The following TTC6 variants were observed in gnomAD, a reference collection of about 807,000 sequenced individuals.
The protein encoded by TTC6 is tetratricopeptide repeat protein 6.
Under a neutral mutation model 210.4 loss-of-function variants are expected in TTC6, and 172 were observed. That is an observed-to-expected ratio of 0.82 (90% CI 0.72 to 0.93). TTC6 has a LOEUF of 0.93. Among genes scored for constraint, TTC6 ranks in the 40% least tolerant of loss-of-function variants. The pLI is 0.00. For synonymous variants in TTC6, 804 were observed against 819.6 expected, an observed-to-expected ratio of 0.98 and a Z score of 0.32; for missense variants, 2,414 against 2,318.1, an observed-to-expected ratio of 1.04 and a Z score of -0.85.
At chr14:37,807,273 T>C in intron 22 of TTC6, 47 bp from the exon 25 acceptor site, 3 of 1,417,510 alleles carry the variant, frequency 2.1e-6, no homozygotes, top group Non-Finnish European at 2.8e-6. Flanking sequence ...GAATTGGTGC[T>C]TTTACTAAAG....
intron 2 of TTC6, among the ~76,000 whole-genome samples, chr14:37,607,022 C>T (rs1389105809): frequency 6.6e-6 from 1 of 152,178 alleles, no homozygotes; most frequent in Non-Finnish European, 1.5e-5. Context: ...GTTTTTTTGA[C>T]TTAGGCTACA....
At chr14:37,780,016 C>T (rs753944527) in intron 14 of TTC6, among the ~76,000 whole-genome samples, 4 of 151,874 alleles carry the variant, frequency 2.6e-5, no homozygotes, top group African/African-American at 7.3e-5. Context: ...GAATTACTGA[C>T]GAAGTTGAAA....
At chr14:37,661,335 C>A (rs1490774692) in intron 1 of TTC6, among the ~76,000 whole-genome samples, 1 of 151,726 alleles carries the variant, frequency 6.6e-6, no homozygotes, top group Non-Finnish European at 1.5e-5. Context: ...ACATTTAAAT[C>A]TTTAATCCAT....
At chr14:37,754,023 A>G (rs1033614628) in intron 14 of TTC6, among the ~76,000 whole-genome samples, 1 of 152,124 alleles carries the variant, frequency 6.6e-6, no homozygotes, top group African/African-American at 2.4e-5. Context: ...TATGTATATA[A>G]TCACGTCTAC....
chr14:37,834,691 G>A (rs2096193781), intron 29 of TTC6, among the ~76,000 whole-genome samples: 1 of 151,440 alleles, frequency 6.6e-6, no homozygotes, highest in Non-Finnish European at 1.5e-5. Flanking sequence ...TTTTCTTTGG[G>A]GTCTGCTACT....
chr14:37,606,801 T>C, intron 2 of TTC6, 59 bp downstream of exon 2: 8 of 984,172 alleles, frequency 8.1e-6, no homozygotes, highest in Non-Finnish European at 9.7e-6. Flanking sequence ...CAAAAGGCTC[T>C]ACTCCTTCCC....
intron 1 of TTC6, among the ~76,000 whole-genome samples, chr14:37,679,901 G>T (rs1276276524): frequency 6.6e-6 from 1 of 151,864 alleles, no homozygotes; most frequent in African/African-American, 2.4e-5. Context: ...TGTTGGTCAG[G>T]CTCATCTCAA....
chr14:37,806,598 C>T (rs1595293804), intron 22 of TTC6, 88 bp downstream of exon 24: 1 of 1,275,334 alleles, frequency 7.8e-7, no homozygotes, highest in East Asian at 2.6e-5. Flanking sequence ...TATTAATTAC[C>T]AACAATCAGT....
intron 14 of TTC6, among the ~76,000 whole-genome samples, chr14:37,757,678 A>G (rs1436095143): frequency 6.6e-6 from 1 of 151,112 alleles, no homozygotes; most frequent in East Asian, 2.0e-4. Context: ...TCATGTCTCT[A>G]CCTCCTTCAG....
At chr14:37,656,447 A>C (rs2139442167) in intron 1 of TTC6, among the ~76,000 whole-genome samples, 1 of 152,130 alleles carries the variant, frequency 6.6e-6, no homozygotes, top group African/African-American at 2.4e-5. Flanking sequence ...AACTCTAAAC[A>C]ATTTTGTAAG....
intron 6 of TTC6, among the ~76,000 whole-genome samples, chr14:37,716,550 T>A (rs1387265925): frequency 6.6e-6 from 1 of 152,096 alleles, no homozygotes; most frequent in African/African-American, 2.4e-5. Context: ...TCAGATAAGA[T>A]AGACTTCCAA....
At chr14:37,690,235 A>G (rs191122700) in intron 3 of TTC6, among the ~76,000 whole-genome samples, 60 of 152,298 alleles carry the variant, frequency 3.9e-4, no homozygotes, top group African/African-American at 1.4e-3. Context: ...AGATACACAA[A>G]AAATAAAAAG....
intron 1 of TTC6, among the ~76,000 whole-genome samples, chr14:37,662,105 C>G (rs1237430365): frequency 6.6e-6 from 1 of 152,102 alleles, no homozygotes; most frequent in Non-Finnish European, 1.5e-5. Flanking sequence ...CAAACAAAGA[C>G]AATTTGACAT....
intron 14 of TTC6, among the ~76,000 whole-genome samples, chr14:37,774,672 A>C (rs2096031554): frequency 1.3e-5 from 2 of 152,114 alleles, no homozygotes; most frequent in Non-Finnish European, 2.9e-5. Context: ...ATCTGTGTTC[A>C]TCAAGGGTGT....
At chr14:37,641,073 A>G (rs2095690900) in intron 1 of TTC6, among the ~76,000 whole-genome samples, 1 of 152,244 alleles carries the variant, frequency 6.6e-6, no homozygotes, top group African/African-American at 2.4e-5. Context: ...AGGAACTTAT[A>G]CAATTTAAAA....
At chr14:37,770,612 A>G (rs1323310891) in intron 14 of TTC6, among the ~76,000 whole-genome samples, 4 of 151,928 alleles carry the variant, frequency 2.6e-5, no homozygotes, top group Admixed American at 1.3e-4. Flanking sequence ...TTTATCAGAG[A>G]CTAGGATTGC....
At chr14:37,789,596 T>TTATA (rs1283814571) in intron 15 of TTC6, among the ~76,000 whole-genome samples, 68,533 of 134,194 alleles carry the variant, frequency 0.51, 18,505 homozygotes, top group Non-Finnish European at 0.62. Flanking sequence ...TGGTTTCCTC[T>TTATA]TATATATATA....
At chr14:37,783,247 T>C (rs935033531) in intron 14 of TTC6, among the ~76,000 whole-genome samples, 20 of 152,182 alleles carry the variant, frequency 1.3e-4, no homozygotes, top group Non-Finnish European at 2.8e-4. Flanking sequence ...CGGCTGTGAA[T>C]CTGTCTGGTC....
chr14:37,842,318 G>A (rs1356925393), exon 31 of TTC6: 2 of 1,554,434 alleles, frequency 1.3e-6, no homozygotes, highest in Non-Finnish European at 8.7e-7. Flanking sequence ...TGCTATAGTA[G>A]TTTACACAGC....
Sources: gnomAD v4.1 joint callset for allele counts (sites outside exome capture counted in the v4.1 genomes callset) on GRCh38, gnomAD v4.1.1 for gene constraint, MANE v1.5 for transcripts, NCBI Gene and HGNC (gene_info 2026-07-23, HGNC 2026-07-21) for gene names.